The following GAS2 variants were observed in gnomAD, a reference collection of about 807,000 sequenced individuals.
The protein encoded by GAS2 is growth arrest-specific protein 2.
GAS2 carries 20 observed loss-of-function variants against 37.5 expected under a neutral mutation model. That is an observed-to-expected ratio of 0.53 (90% confidence interval 0.37 to 0.77). GAS2 has a LOEUF of 0.77. GAS2 is among the 30% of genes least tolerant of loss of function. GAS2 has a pLI of 0.00. For synonymous variants in GAS2, 144 were observed against 132.2 expected (o/e 1.09, Z -0.61); for missense variants, 336 against 373.4 (o/e 0.90, Z 0.82).
intron 1 of GAS2, among the ~76,000 whole-genome samples, chr11:22,627,821 A>G (rs1333487623): frequency 6.6e-6 from 1 of 152,026 alleles, no homozygotes; most frequent in Admixed American, 6.5e-5. Context: ...AAAGAAACCA[A>G]CTTTTCAGTT....
At chr11:22,711,823 A>C (rs1241145559) in intron 3 of GAS2, among the ~76,000 whole-genome samples, 1 of 152,126 alleles carries the variant, frequency 6.6e-6, no homozygotes, top group Non-Finnish European at 1.5e-5. Context: ...AAGCCACCCC[A>C]AAAACCCCCA....
At chr11:22,672,546 T>A (rs1849246406) in intron 1 of GAS2, 1 of 152,146 alleles carries the variant, frequency 6.6e-6, no homozygotes, top group Admixed American at 6.5e-5. Context: ...AAAATAGGAC[T>A]CTGATGCTTA....
intron 7 of GAS2, among the ~76,000 whole-genome samples, chr11:22,761,871 C>T (rs1278731785): frequency 1.3e-5 from 2 of 152,132 alleles, no homozygotes; most frequent in Non-Finnish European, 2.9e-5. Context: ...TAAATTTACA[C>T]TTTTTACCAC....
chr11:22,654,516 C>CTCCCACCTTAG lies in GAS2; in HGVS notation c.-20-20331_-20-20330insCACCTTAGTCC, dbSNP rs538111438. On this transcript the variant is annotated intron_variant, in intron 1 of 5. Coordinates refer to the GAS2 transcript ENST00000528582. Reference sequence around the variant, plus strand: ...GCTCAAGCAATCCTCCCACCTTAGCCTCCTGAGAGTTTGGGACTACAGGCA... The same window carrying CTCCCACCTTAG: ...GCTCAAGCAATCCTCCCACCTTAGCCTCCCACCTTAGTCCTGAGAGTTTGGGACTACAGGCA... Among the ~76,000 whole-genome samples the CTCCCACCTTAG allele has an allele frequency of 2.6e-5, 4 of 152,148 alleles. No homozygotes were observed. In the East Asian group the frequency reaches 7.8e-4, roughly 30 times the overall value.
chr11:22,698,281 A>C (rs1397388830), intron 3 of GAS2, among the ~76,000 whole-genome samples: 1 of 152,174 alleles, frequency 6.6e-6, no homozygotes, highest in African/African-American at 2.4e-5. Flanking sequence ...GAAATGGATA[A>C]ATTCCTCAAC....
intron 7 of GAS2, among the ~76,000 whole-genome samples, chr11:22,777,585 G>A (rs1855322455): frequency 6.6e-6 from 1 of 152,174 alleles, no homozygotes; most frequent in African/African-American, 2.4e-5. Context: ...AAGTATGTGG[G>A]ATTTTAATTT....
intron 1 of GAS2, among the ~76,000 whole-genome samples, chr11:22,670,171 C>G (rs542081389): frequency 1.3e-5 from 2 of 152,092 alleles, no homozygotes; most frequent in Non-Finnish European, 2.9e-5. Flanking sequence ...GTGTTTGACA[C>G]CTGTAACACA....
At chr11:22,646,767 T>A (rs1848700031) in intron 1 of GAS2, among the ~76,000 whole-genome samples, 1 of 152,168 alleles carries the variant, frequency 6.6e-6, no homozygotes, top group African/African-American at 2.4e-5. Flanking sequence ...ATGGCCTAGT[T>A]AAGTGGTATT....
intron 1 of GAS2, chr11:22,672,774 C>T (rs1176007228): frequency 1.3e-5 from 2 of 151,508 alleles, no homozygotes; most frequent in East Asian, 1.9e-4. Context: ...GGAATCTTAA[C>T]CAGCTACAGG....
intron 4 of GAS2, 32 bp from the exon 5 acceptor site, chr11:22,737,673 G>A (rs1346525387): frequency 6.2e-7 from 1 of 1,607,834 alleles, no homozygotes; most frequent in Non-Finnish European, 8.5e-7. Flanking sequence ...TCCTTCTATT[G>A]TAAAGGTGTT....
intron 3 of GAS2, among the ~76,000 whole-genome samples, chr11:22,688,855 C>T (rs1274386602): frequency 3.9e-5 from 6 of 152,118 alleles, no homozygotes; most frequent in Admixed American, 3.9e-4. Context: ...TTCATAGCAG[C>T]ACTATTCACT....
In GAS2 at chr11:22,809,893, T is replaced by C. The variant is rs76390689; in HGVS notation, c.724-1905T>C. Among the ~76,000 whole-genome samples the C allele has an allele frequency of 5.4e-3, 829 of 152,272 alleles. 13 individuals carry two copies. The highest frequency in any genetic ancestry group is 0.039 in the East Asian group (201 of 5,186). On this transcript the variant is annotated intron_variant, in intron 7 of 7. Transcript: ENST00000454584. ...AAAGGCAAAGTAGTTACAAGCTAAA[T>C]CCTCTTTTTATCTGCTTTATATTTC...
chr11:22,650,055 A>G (rs61889401), intron 1 of GAS2, among the ~76,000 whole-genome samples: 22,714 of 151,528 alleles, frequency 0.15, 2,072 homozygotes, highest in East Asian at 0.22. Context: ...GTGGGCATTT[A>G]GTGCTATAAA....
chr11:22,793,217 T>A (rs1464894073), intron 7 of GAS2, among the ~76,000 whole-genome samples: 1 of 152,050 alleles, frequency 6.6e-6, no homozygotes, highest in East Asian at 1.9e-4. Context: ...GAGATTGCAG[T>A]GAACTGAGAT....
At chr11:22,731,682 G>T (rs997118083) in intron 4 of GAS2, among the ~76,000 whole-genome samples, 7 of 151,662 alleles carry the variant, frequency 4.6e-5, no homozygotes, top group Non-Finnish European at 8.9e-5. Flanking sequence ...ATCAGAAAAA[G>T]AATCTATGCC....
intron 1 of GAS2, among the ~76,000 whole-genome samples, chr11:22,627,165 A>G (rs1260745707): frequency 7.2e-5 from 11 of 152,322 alleles, no homozygotes; most frequent in Admixed American, 3.3e-4. Flanking sequence ...TATCCTAAGG[A>G]TACTATGAAT....
At chr11:22,761,110 A>G (rs1214471161) in intron 7 of GAS2, among the ~76,000 whole-genome samples, 4 of 152,150 alleles carry the variant, frequency 2.6e-5, no homozygotes, top group Admixed American at 2.6e-4. Flanking sequence ...TAGGATTAGC[A>G]CCTGGAAATA....
At chr11:22,636,399 T>C (rs1048388154) in intron 1 of GAS2, among the ~76,000 whole-genome samples, 1 of 152,176 alleles carries the variant, frequency 6.6e-6, no homozygotes, top group Non-Finnish European at 1.5e-5. Context: ...AAATATAAAA[T>C]GCCACAGATA....
At chr11:22,743,711 A>G (rs1011253498) in intron 5 of GAS2, among the ~76,000 whole-genome samples, 1 of 152,046 alleles carries the variant, frequency 6.6e-6, no homozygotes, top group African/African-American at 2.4e-5. Context: ...TGATTTGTGA[A>G]ATTTTAGAAG....
Sources: gnomAD v4.1 joint callset for allele counts (sites outside exome capture counted in the v4.1 genomes callset) on GRCh38, gnomAD v4.1.1 for gene constraint, MANE v1.5 for transcripts, NCBI Gene and HGNC (gene_info 2026-07-23, HGNC 2026-07-21) for gene names.